The following FAP variants were observed in gnomAD, a reference collection of about 807,000 sequenced individuals.
The protein encoded by FAP is fibroblast activation protein alpha, also known as prolyl endopeptidase FAP.
Under a neutral mutation model 126.5 loss-of-function variants are expected in FAP, and 110 were observed. The ratio of observed to expected loss-of-function variants is 0.87; its 90% confidence interval spans 0.74 to 1.02. FAP has a LOEUF of 1.02. Ranked by LOEUF, FAP falls within the 50% of genes least tolerant of loss-of-function variation. FAP has a pLI of 0.00. For missense variants in FAP, 919 were observed against 909.2 expected (o/e 1.01, Z -0.14); for synonymous variants, 334 against 297.3 (o/e 1.12, Z -1.27).
intron 12 of FAP, 31 bp downstream of exon 12, chr2:162,209,921 A>G: frequency 6.9e-6 from 11 of 1,599,806 alleles, no homozygotes; most frequent in South Asian, 1.1e-5. Flanking sequence ...AAGTTTCATT[A>G]AAACATAAGA....
intron 18 of FAP, 67 bp downstream of exon 18, chr2:162,189,589 C>G: frequency 1.2e-6 from 1 of 865,776 alleles, no homozygotes; most frequent in Non-Finnish European, 1.9e-6. Flanking sequence ...TCACTCTATG[C>G]TTTTTTAAAA....
intron 21 of FAP, among the ~76,000 whole-genome samples, chr2:162,179,149 A>G (rs1687595125): frequency 6.6e-6 from 1 of 152,170 alleles, no homozygotes; most frequent in Non-Finnish European, 1.5e-5. Context: ...ATGTCCATAG[A>G]AAACATTGTC....
At chr2:162,206,530 TG>T (rs1688703307) in intron 12 of FAP, among the ~76,000 whole-genome samples, 1 of 152,142 alleles carries the variant, frequency 6.6e-6, no homozygotes. Context: ...CATTTTTTTT[TG>T]AACCAAGGGA....
In FAP at chr2:162,172,858, G is replaced by A. The variant is rs1338366496; in HGVS notation, c.2134C>T (p.Gln712Ter). 6.2e-7 allele frequency: 1 copy of A among 1,612,908 alleles called. No individual in the cohort carries two copies. The highest frequency in any genetic ancestry group is 8.5e-7 in the Non-Finnish European group (1 of 1,179,184). ...GCATTAACCAGAGCTTTAGCAATCT[G>A]TGCTGAGTTTTGAAAGTGCACATTA... ...DDNVHFQNSA[Q>*]IAKALVNAQV... Residue 712 changes from glutamine (Q) to a stop codon, truncating the protein, a stop_gained, in exon 25 of 26, where the codon CAG (glutamine) becomes TAG (stop). Coordinates refer to ENST00000188790, the MANE Select transcript of FAP (RefSeq NM_004460.5). LOFTEE classifies it high-confidence loss of function.
chr2:162,194,678 A>C, intron 17 of FAP, 23 bp downstream of exon 17: 3 of 1,609,930 alleles, frequency 1.9e-6, no homozygotes, highest in Non-Finnish European at 2.6e-6. Context: ...GAGACAAGAT[A>C]GATAACATGC....
chr2:162,209,945 A>G lies in FAP; in HGVS notation c.1047+7T>C. 1 of 1,612,132 alleles carries G rather than the reference A, an allele frequency of 6.2e-7. No homozygotes were observed. The highest frequency in any genetic ancestry group is 1.1e-5 in the South Asian group (1 of 91,030). ...TAAAACATAAGAAAAAGATAGCAAA[A>G]TCATACTCCACCAGCCCATCCAGTT... On this transcript the variant is annotated splice_region_variant and intron_variant, in intron 12 of 25. Coordinates refer to ENST00000188790, the MANE Select transcript of FAP (RefSeq NM_004460.5).
chr2:162,181,994 AC>A (rs1407640084), intron 21 of FAP, among the ~76,000 whole-genome samples: 6 of 152,134 alleles, frequency 3.9e-5, no homozygotes, highest in African/African-American at 1.4e-4. Context: ...CTCTGAGTCG[AC>A]CTCACAGTCA....
rs1293766435 is a variant in FAP, at chr2:162,217,834, A to C, written c.762+152T>G. ...CAGATGTCCAAAGCAACAGATGTCC[A>C]CATAAATAATAGAGCACAGTACAAT... On this transcript the variant is annotated intron_variant, in intron 9 of 25. Coordinates refer to ENST00000188790, the MANE Select transcript of FAP (RefSeq NM_004460.5). 82 of 466,090 alleles carry C rather than the reference A, an allele frequency of 1.8e-4. No individual in the cohort carries two copies. In the East Asian group the frequency reaches 2.7e-3, roughly 15 times the overall value. 28.9% of individuals were successfully genotyped at this position (466,090 alleles called of 1,614,324 possible).
At chr2:162,236,639 C>T (rs555856213) in intron 2 of FAP, among the ~76,000 whole-genome samples, 1 of 152,190 alleles carries the variant, frequency 6.6e-6, no homozygotes, top group African/African-American at 2.4e-5. Flanking sequence ...GAGACAGAGT[C>T]TTGCTCTGTT....
chr2:162,202,234 T>G (rs1452582091), intron 14 of FAP, among the ~76,000 whole-genome samples: 1 of 152,236 alleles, frequency 6.6e-6, no homozygotes, highest in African/African-American at 2.4e-5. Flanking sequence ...TTAAATAGTA[T>G]GCAGAATGGA....
chr2:162,217,976 T>C lies in FAP; in HGVS notation c.762+10A>G. 3 of 1,558,770 alleles carry C rather than the reference T, an allele frequency of 1.9e-6. No individual in the cohort carries two copies. Among genetic ancestry groups the C allele is most frequent in the Non-Finnish European group, 2.6e-6 (3 of 1,152,564 alleles). Reference sequence around the variant, plus strand: ...GAAAATGAAAGCATCGCTGAAAGTATTCAACATACCTTTGGGTATGGAATA... The same window carrying C: ...GAAAATGAAAGCATCGCTGAAAGTACTCAACATACCTTTGGGTATGGAATA... On this transcript the variant is annotated intron_variant, in intron 9 of 25. Transcript: ENST00000188790.
At chr2:162,191,394 G>C (rs1354624420) in intron 17 of FAP, among the ~76,000 whole-genome samples, 1 of 152,048 alleles carries the variant, frequency 6.6e-6, no homozygotes, top group East Asian at 1.9e-4. Flanking sequence ...AATCTCACAG[G>C]GGGCAGTGGC....
At chr2:162,210,143 A>T (rs1688868254) in intron 11 of FAP, 147 bp from the exon 12 acceptor site, 1 of 650,946 alleles carries the variant, frequency 1.5e-6, no homozygotes, top group Non-Finnish European at 2.7e-6. Flanking sequence ...TAAAAGGACA[A>T]TATTAAAAAT....
intron 17 of FAP, among the ~76,000 whole-genome samples, chr2:162,194,338 A>G (rs1172584839): frequency 6.6e-6 from 1 of 151,888 alleles, no homozygotes; most frequent in Non-Finnish European, 1.5e-5. Context: ...TGAGGAAAAA[A>G]AAAAAAAAAC....
chr2:162,174,834 C>T (rs548123107), intron 22 of FAP, 33 bp downstream of exon 22: 8 of 1,468,824 alleles, frequency 5.4e-6, no homozygotes, highest in South Asian at 3.4e-5. Context: ...GTGTTAAATG[C>T]TTTCACAGTA....
chr2:162,201,402 G>A (rs910318842), intron 14 of FAP, among the ~76,000 whole-genome samples: 6 of 152,128 alleles, frequency 3.9e-5, no homozygotes, highest in African/African-American at 4.8e-5. Context: ...TTTTTAGCAC[G>A]AAATTTATTT....
At chr2:162,199,441 C>T (rs918474753) in intron 15 of FAP, among the ~76,000 whole-genome samples, 2 of 152,208 alleles carry the variant, frequency 1.3e-5, no homozygotes, top group Non-Finnish European at 2.9e-5. Flanking sequence ...AATGCCCCCT[C>T]CACACAGTCT....
intron 16 of FAP, among the ~76,000 whole-genome samples, chr2:162,196,018 T>C (rs1688240422): frequency 6.6e-6 from 1 of 152,210 alleles, no homozygotes; most frequent in Non-Finnish European, 1.5e-5. Context: ...TTCTGGCATC[T>C]TTCTGCCTGC....
At chr2:162,175,024 A>G in intron 21 of FAP, 58 bp from the exon 22 acceptor site, 5 of 1,226,034 alleles carry the variant, frequency 4.1e-6, no homozygotes, top group Non-Finnish European at 6.0e-6. Flanking sequence ...TTTCCTCCAT[A>G]TGTTTATAGC....
Sources: gnomAD v4.1 joint callset for allele counts (sites outside exome capture counted in the v4.1 genomes callset) on GRCh38, gnomAD v4.1.1 for gene constraint, MANE v1.5 for transcripts, NCBI Gene and HGNC (gene_info 2026-07-23, HGNC 2026-07-21) for gene names.